GLCCI1: variants seen among roughly 807,000 people sequenced by gnomAD.
GLCCI1 encodes the protein glucocorticoid-induced transcript 1 protein.
Under a neutral mutation model 52.2 loss-of-function variants are expected in GLCCI1, and 24 were observed. The ratio of observed to expected loss-of-function variants is 0.46; its 90% CI spans 0.33 to 0.65. The LOEUF (loss-of-function observed/expected upper bound fraction) is 0.65, where lower values mean the gene tolerates loss of function less well. GLCCI1 is among the 30% of genes least tolerant of loss of function. The pLI is 0.02. For synonymous variants in GLCCI1, 310 were observed against 276.5 expected, an observed-to-expected ratio of 1.12 and a Z score of -1.20; for missense variants, 704 against 701.5, an observed-to-expected ratio of 1.00 and a Z score of -0.04.
chr7:8,018,508 C>G lies in GLCCI1; in HGVS notation c.610-3975C>G, dbSNP rs373291000. ...TATTCATTTTGAAGCCTCTTTAGTC[C>G]TGTGCAGTGGGATTATTCCCTTTGT... On this transcript the variant is annotated intron_variant, in intron 2 of 7. Transcript: ENST00000223145. 6.9e-4 allele frequency among the ~76,000 whole-genome samples: 105 copies of G among 152,212 alleles called. 3 individuals carry two copies. The South Asian group carries it at 0.017, about 24-fold the overall frequency.
At chr7:7,987,145 A>C (rs1412093492) in intron 1 of GLCCI1, among the ~76,000 whole-genome samples, 4 of 152,232 alleles carry the variant, frequency 2.6e-5, no homozygotes, top group Non-Finnish European at 4.4e-5. Context: ...TTGGTGAATT[A>C]GGGGTAAAAG....
At chr7:8,085,098 A>T in intron 7 of GLCCI1, 81 bp downstream of exon 7, 1 of 1,487,646 alleles carries the variant, frequency 6.7e-7, no homozygotes, top group Non-Finnish European at 9.3e-7. Flanking sequence ...CATATGAATC[A>T]ACTACTCTAT....
intron 2 of GLCCI1, among the ~76,000 whole-genome samples, chr7:8,015,364 C>G (rs1446205483): frequency 1.3e-5 from 2 of 152,182 alleles, no homozygotes; most frequent in African/African-American, 4.8e-5. Flanking sequence ...GTGCCCTTGT[C>G]AAAGGGCTTG....
In GLCCI1 at chr7:8,070,513, G is replaced by A. The variant is rs114306398; in HGVS notation, c.967-408G>A. 429 of 158,860 alleles carry A rather than the reference G, an allele frequency of 2.7e-3. 4 individuals are homozygous for A. The highest frequency in any genetic ancestry group is 9.9e-3 in the African/African-American group (410 of 41,598). The allele number at this position is 158,860 out of a possible 1,614,324, so 9.8% of individuals were successfully genotyped here. On this transcript the variant is annotated intron_variant, in intron 5 of 7. Transcript: ENST00000223145. ...GAAAAATCTGTACCTGTGAATATGAGGAATATGAGATTTCACTTTTTCTTA... is the reference window on the plus strand; with the variant it reads ...GAAAAATCTGTACCTGTGAATATGAAGAATATGAGATTTCACTTTTTCTTA...
chr7:8,016,272 A>G (rs1463167287), intron 2 of GLCCI1, among the ~76,000 whole-genome samples: 2 of 152,334 alleles, frequency 1.3e-5, no homozygotes, highest in South Asian at 2.1e-4. Flanking sequence ...GATCAAGATC[A>G]TCCTGGCTAA....
chr7:8,072,122 C>G (rs1159559054), intron 6 of GLCCI1, among the ~76,000 whole-genome samples: 1 of 152,162 alleles, frequency 6.6e-6, no homozygotes, highest in Admixed American at 6.5e-5. Flanking sequence ...CCTTGCGCCT[C>G]TTCCCAAATA....
intron 2 of GLCCI1, among the ~76,000 whole-genome samples, chr7:8,018,898 AG>A (rs1781428489): frequency 6.6e-6 from 1 of 152,218 alleles, no homozygotes; most frequent in Non-Finnish European, 1.5e-5. Flanking sequence ...AAAAAATTCT[AG>A]TCTAGATTAA....
At chr7:8,050,610 A>T (rs1050057091) in intron 3 of GLCCI1, among the ~76,000 whole-genome samples, 3 of 152,196 alleles carry the variant, frequency 2.0e-5, no homozygotes, top group African/African-American at 7.2e-5. Flanking sequence ...TACTTGAGTT[A>T]ATATCTTCAG....
At chr7:8,059,058 G>A (rs1782460158) in intron 4 of GLCCI1, among the ~76,000 whole-genome samples, 1 of 152,150 alleles carries the variant, frequency 6.6e-6, no homozygotes, top group South Asian at 2.1e-4. Context: ...AGTAGGCTGA[G>A]GAAGAGAAAA....
In GLCCI1 at chr7:8,043,665, G is replaced by T. The variant is rs1210308654; in HGVS notation, c.697-11768G>T. 3.9e-5 allele frequency among the ~76,000 whole-genome samples: 6 copies of T among 152,116 alleles called. No homozygotes were observed. In the East Asian group the frequency reaches 1.2e-3, roughly 29 times the overall value. On this transcript the variant is annotated intron_variant, in intron 3 of 7. Transcript: ENST00000223145. ...ATTGTGATTCTTGTTGTATAAATCT[G>T]CAAATTGATTAAAACCTTATGAATT...
chr7:8,039,559 T>C (rs1781950117), intron 3 of GLCCI1, among the ~76,000 whole-genome samples: 1 of 152,232 alleles, frequency 6.6e-6, no homozygotes, highest in African/African-American at 2.4e-5. Context: ...TACATATTCT[T>C]ACTCATAAGT....
At chr7:8,042,542 G>C (rs1015167682) in intron 3 of GLCCI1, among the ~76,000 whole-genome samples, 1 of 152,196 alleles carries the variant, frequency 6.6e-6, no homozygotes, top group Admixed American at 6.5e-5. Flanking sequence ...GCTGGGTGCA[G>C]TGGCTCATGC....
intron 6 of GLCCI1, among the ~76,000 whole-genome samples, chr7:8,073,085 C>T (rs544926420): frequency 8.5e-5 from 13 of 152,142 alleles, no homozygotes; most frequent in Non-Finnish European, 1.5e-4. Flanking sequence ...TCATGTCACT[C>T]TCCTGCCAGG....
At chr7:8,057,193 T>C (rs564760283) in intron 4 of GLCCI1, among the ~76,000 whole-genome samples, 1 of 152,242 alleles carries the variant, frequency 6.6e-6, no homozygotes, top group African/African-American at 2.4e-5. Flanking sequence ...ATTTTCGCCC[T>C]TTGATATCAA....
chr7:7,969,290 G>C lies in GLCCI1; in HGVS notation c.-61G>C. On this transcript the variant is annotated 5_prime_UTR_variant, in exon 1 of 8. Transcript: ENST00000223145. This position sits in a 1 kb window ranked among gnomAD's most constrained non-coding sequence, Gnocchi z 4.9. ...CTATCGCGCCGGCTCCCACACGCTC[G>C]CGCGCCTCCCGCCCCGCGCCTCCGT... The C allele has an allele frequency of 8.3e-7, 1 of 1,206,830 alleles. No homozygotes were observed. The highest frequency in any genetic ancestry group is 1.0e-6 in the Non-Finnish European group (1 of 956,116). The allele number at this position is 1,206,830 out of a possible 1,614,324, so 74.8% of individuals were successfully genotyped here. A position where few individuals can be genotyped will look rare whatever the true frequency, so the allele number is the denominator to read the frequency against.
At chr7:7,996,929 T>G (rs79605867) in intron 1 of GLCCI1, among the ~76,000 whole-genome samples, 7,306 of 152,290 alleles carry the variant, frequency 0.048, 451 homozygotes, top group African/African-American at 0.14. Flanking sequence ...TCAGATAGCA[T>G]ATTCACAACT....
chr7:8,078,873 G>T (rs1313430674), intron 6 of GLCCI1: 1 of 152,174 alleles, frequency 6.6e-6, no homozygotes, highest in Non-Finnish European at 1.5e-5. Flanking sequence ...ACTTTAAGGT[G>T]ACTATAATGA....
At chr7:8,026,519 G>A (rs1003730111) in intron 3 of GLCCI1, among the ~76,000 whole-genome samples, 2 of 152,214 alleles carry the variant, frequency 1.3e-5, no homozygotes, top group African/African-American at 2.4e-5. Flanking sequence ...ACCAAAAGAG[G>A]CATTGAGTAG....
chr7:8,033,271 G>T (rs1781796325), intron 3 of GLCCI1, among the ~76,000 whole-genome samples: 1 of 151,622 alleles, frequency 6.6e-6, no homozygotes, highest in African/African-American at 2.4e-5. Flanking sequence ...CTGATAAACT[G>T]CATTTATGAA....
Sources: gnomAD v4.1 joint callset for allele counts (sites outside exome capture counted in the v4.1 genomes callset) on GRCh38, gnomAD v4.1.1 for gene constraint, Gnocchi (gnomAD v3.1) non-coding constraint, MANE v1.5 for transcripts, NCBI Gene and HGNC (gene_info 2026-07-23, HGNC 2026-07-21) for gene names.